LGALS3BP: variants seen among roughly 807,000 people sequenced by gnomAD.
The protein encoded by LGALS3BP is galectin 3 binding protein, also known as galectin-3-binding protein.
LGALS3BP carries 25 observed loss-of-function variants against 22.9 expected under a neutral mutation model. The observed-to-expected ratio is 1.09, with a 90% CI of 0.80 to 1.53. The LOEUF (loss-of-function observed/expected upper bound fraction) is 1.53. Ranked by LOEUF, LGALS3BP falls within the 40% of genes most tolerant of loss-of-function variation. The pLI, the probability that LGALS3BP is intolerant of heterozygous loss-of-function variation, is 0.00. For synonymous variants in LGALS3BP, 335 were observed against 331.1 expected, an observed-to-expected ratio of 1.01 and a Z score of -0.13; for missense variants, 718 against 752.0, an observed-to-expected ratio of 0.95 and a Z score of 0.53.
Position 78,973,266 on chromosome 17 carries a change from G to C in LGALS3BP, c.377-44C>G. 2 of 1,461,244 alleles carry C rather than the reference G, an allele frequency of 1.4e-6. No individual in the cohort carries two copies. The highest frequency in any genetic ancestry group is 2.7e-5 in the South Asian group (2 of 73,380). The allele number at this position is 1,461,244 out of a possible 1,614,324, so 90.5% of individuals were successfully genotyped here. On this transcript the variant is annotated intron_variant, in intron 4 of 5. Transcript: ENST00000262776. This position sits in a 1 kb window ranked among gnomAD's most constrained non-coding sequence, Gnocchi z 5.8. ...GAAGTGGGCTGCGTTAGGAGCCGGG[G>C]CACTGCCACTCTCTGGGGTCAGTGT... is the stretch of plus-strand genomic sequence containing the variant.
At position 78,972,810 on chromosome 17, in the gene LGALS3BP, G is replaced by C; in HGVS notation, c.630-106C>G. 6.9e-7 allele frequency: 1 copy of C among 1,441,850 alleles called. No homozygotes were observed. Among genetic ancestry groups the C allele is most frequent in the Non-Finnish European group, 9.3e-7 (1 of 1,074,636 alleles). The allele number at this position is 1,441,850 out of a possible 1,614,324, so 89.3% of individuals were successfully genotyped here. A position where few individuals can be genotyped will look rare whatever the true frequency, so the allele number is the denominator to read the frequency against. ...CTGAGTGCACACAGTGTGGGAGTGAGCATGCGTGTGTGTGCAACTGCGTGA... is the reference window on the plus strand; with the variant it reads ...CTGAGTGCACACAGTGTGGGAGTGACCATGCGTGTGTGTGCAACTGCGTGA... On this transcript the variant is annotated intron_variant, in intron 5 of 5. Transcript: ENST00000262776. The surrounding 1 kb of genome is among the most constrained non-coding windows in gnomAD (Gnocchi z 5.1).
At position 78,971,793 on chromosome 17, in the gene LGALS3BP, C is replaced by A. The variant is rs750053095; in HGVS notation, c.1541G>T (p.Arg514Leu). Residue 514 changes from arginine to leucine, a missense_variant, in exon 6 of 6, where the codon CGC (arginine) becomes CTC (leucine). Arg to Leu is a moderately radical substitution (Grantham distance 102). Coordinates refer to ENST00000262776, the MANE Select transcript of LGALS3BP (RefSeq NM_005567.4). This position sits in a 1 kb window ranked among gnomAD's most constrained non-coding sequence, Gnocchi z 5.6. ...LGLTKSGGSDRTIAYENKALM... is the reference protein window; with the variant it reads ...LGLTKSGGSDLTIAYENKALM... ...GGCTTTGTTTTCGTAGGCAATGGTG[C>A]GATCTGAGCCGCCAGACTTGGTGAG... The A allele has an allele frequency of 1.2e-6, 2 of 1,614,044 alleles. No individual in the cohort carries two copies. The highest frequency in any genetic ancestry group is 2.2e-5 in the East Asian group (1 of 44,878).
Position 78,973,417 on chromosome 17 carries a change from T to C in LGALS3BP, c.377-195A>G. 1.5e-6 allele frequency: 1 copy of C among 654,626 alleles called. No individual in the cohort carries two copies. The highest frequency in any genetic ancestry group is 2.8e-5 in the East Asian group (1 of 35,694). 40.6% of individuals were successfully genotyped at this position (654,626 alleles called of 1,614,324 possible). On this transcript the variant is annotated intron_variant, in intron 4 of 5. Coordinates refer to ENST00000262776, the MANE Select transcript of LGALS3BP (RefSeq NM_005567.4). The surrounding 1 kb of genome is among the most constrained non-coding windows in gnomAD (Gnocchi z 5.8). The stretch of plus-strand genomic sequence containing the variant: ...CCTGAGGCCCCGCCCCTTCCAGCCC[T>C]GGGGAACAAGAGCAGCTAGGACCTG...
At position 78,978,815 on chromosome 17, in the gene LGALS3BP, G is replaced by C. The variant is rs149644725; in HGVS notation, c.-24+1009C>G. On this transcript the variant is annotated intron_variant, in intron 1 of 5. Transcript: ENST00000262776. ...GCGATGGCTCACGCCTGTAATCCCA[G>C]AACTTTGGGAGGCTGGGGCAGGTGG... Among the ~76,000 whole-genome samples the C allele has an allele frequency of 1.4e-3, 217 of 152,312 alleles. 2 individuals are homozygous for C. The East Asian group carries it at 0.032, about 23-fold the overall frequency.
Position 78,972,720 on chromosome 17 carries a change from GAGAGC to G in LGALS3BP, c.630-21_630-17del. ...GTAGAAGTACCTGGGGAGAAAGAAG[GAGAGC>G]AGATGCCGGCCCCACAGGACAGCAG... is the stretch of plus-strand genomic sequence containing the variant. On this transcript the variant is annotated splice_polypyrimidine_tract_variant and intron_variant, in intron 5 of 5. Coordinates refer to ENST00000262776, the MANE Select transcript of LGALS3BP (RefSeq NM_005567.4). This position sits in a 1 kb window ranked among gnomAD's most constrained non-coding sequence, Gnocchi z 5.1. 1.3e-6 allele frequency: 2 copies of G among 1,515,212 alleles called. No individual in the cohort carries two copies. Among genetic ancestry groups the G allele is most frequent in the South Asian group, 2.7e-5 (2 of 75,104 alleles). 93.9% of individuals were successfully genotyped at this position (1,515,212 alleles called of 1,614,324 possible).
Position 78,973,008 on chromosome 17 carries a change from C to T in LGALS3BP, c.591G>A (p.Val197=). ...TGACCATGGGCACACACTCAGCATC[C>T]ACACTCATGGTGACATTGCTGCCCG... is the stretch of plus-strand genomic sequence containing the variant. ...KEPGSNVTMS[V]DAECVPMVRD... The change falls in exon 5 of 6, where the codon GTG becomes GTA. Residue 197 remains valine (V), a synonymous_variant. Transcript: ENST00000262776. The surrounding 1 kb of genome is among the most constrained non-coding windows in gnomAD (Gnocchi z 5.8). 6.2e-7 allele frequency: 1 copy of T among 1,613,398 alleles called. No individual in the cohort carries two copies. The highest frequency in any genetic ancestry group is 8.5e-7 in the Non-Finnish European group (1 of 1,179,586).
rs959789863 is a variant in LGALS3BP at position 78,971,438 on chromosome 17, G to A, written c.*138C>T. ...AGCCTTCCAGTAATTTCTTGAAGCT[G>A]AGCGCTCAGGTGAGTAGGGCGACAT... On this transcript the variant is annotated 3_prime_UTR_variant, in exon 6 of 6. Transcript: ENST00000262776. This position sits in a 1 kb window ranked among gnomAD's most constrained non-coding sequence, Gnocchi z 5.6. 4.3e-5 allele frequency: 32 copies of A among 749,534 alleles called. No individual in the cohort carries two copies. The highest frequency in any genetic ancestry group is 4.2e-4 in the African/African-American group (24 of 56,496). The allele number at this position is 749,534 out of a possible 1,614,324, so 46.4% of individuals were successfully genotyped here.
rs750053095 is a variant in LGALS3BP at position 78,971,793 on chromosome 17, C to G, written c.1541G>C (p.Arg514Pro). The G allele has an allele frequency of 6.2e-7, 1 of 1,613,926 alleles. No individual in the cohort carries two copies. The highest frequency in any genetic ancestry group is 8.5e-7 in the Non-Finnish European group (1 of 1,180,034). Residue 514 changes from arginine (R) to proline (P), a missense_variant, in exon 6 of 6, where the codon CGC becomes CCC. Physicochemically the swap from Arg to Pro is moderately radical, Grantham distance 103 (BLOSUM62 -2). Coordinates refer to ENST00000262776, the MANE Select transcript of LGALS3BP (RefSeq NM_005567.4). This position sits in a 1 kb window ranked among gnomAD's most constrained non-coding sequence, Gnocchi z 5.6. ...LGLTKSGGSD[R>P]TIAYENKALM... Reference sequence around the variant, plus strand: ...GGCTTTGTTTTCGTAGGCAATGGTGCGATCTGAGCCGCCAGACTTGGTGAG... The same window carrying G: ...GGCTTTGTTTTCGTAGGCAATGGTGGGATCTGAGCCGCCAGACTTGGTGAG...
chr17:78,978,806 G>A (rs2070741484), intron 1 of LGALS3BP, among the ~76,000 whole-genome samples: 1 of 152,240 alleles, frequency 6.6e-6, no homozygotes, highest in African/African-American at 2.4e-5. Context: ...GCTCACGCCT[G>A]TAATCCCAGA....
rs773114062 is a variant in LGALS3BP, at chr17:78,971,682, T to C, written c.1652A>G (p.Asn551Ser). Reference protein sequence around the residue: ...KAAIPSALDTNSSKSTSSFPC... With the variant: ...KAAIPSALDTSSSKSTSSFPC... ...GAAGGAGGAGGTGCTCTTCGAGCTG[T>C]TGGTGTCCAGGGCACTGGGAATCGC... is the stretch of plus-strand genomic sequence containing the variant. Residue 551 changes from asparagine to serine, a missense_variant, in exon 6 of 6, where the codon AAC (asparagine) becomes AGC (serine). Transcript: ENST00000262776. The surrounding 1 kb of genome is among the most constrained non-coding windows in gnomAD (Gnocchi z 5.6). 6.2e-7 allele frequency: 1 copy of C among 1,613,746 alleles called. No individual in the cohort carries two copies. Among genetic ancestry groups the C allele is most frequent in the East Asian group, 2.2e-5 (1 of 44,884 alleles).
Position 78,971,651 on chromosome 17 carries a change from G to T in LGALS3BP, c.1683C>A (p.Cys561Ter). 1.9e-6 allele frequency: 3 copies of T among 1,613,806 alleles called. No individual in the cohort carries two copies. In the East Asian group the frequency reaches 6.7e-5, roughly 36 times the overall value. The change falls in exon 6 of 6, where the codon TGC becomes TGA. Residue 561 changes from cysteine (C) to a stop codon, truncating the protein, a stop_gained. Transcript: ENST00000262776. LOFTEE classifies it high-confidence loss of function. The surrounding 1 kb of genome is among the most constrained non-coding windows in gnomAD (Gnocchi z 5.6). ...NSSKSTSSFP[C>*]PAGHFNGFRT... is the part of the protein sequence containing the mutation. ...GGAAGCCGTTGAAGTGCCCTGCCGG[G>T]CAGGGGAAGGAGGAGGTGCTCTTCG...
At position 78,971,511 on chromosome 17, in the gene LGALS3BP, GAGGGGAGCCTGC is replaced by G. The variant is rs2070669385; in HGVS notation, c.*53_*64del. On this transcript the variant is annotated 3_prime_UTR_variant, in exon 6 of 6. Coordinates refer to ENST00000262776, the MANE Select transcript of LGALS3BP (RefSeq NM_005567.4). The surrounding 1 kb of genome is among the most constrained non-coding windows in gnomAD (Gnocchi z 5.6). ...CATTGCAGAGAGGAAGGAAGCCGAG[GAGGGGAGCCTGC>G]AGTGAGGGCGTCCTGGGGTTCTCCG... 1 of 1,465,304 alleles carries G rather than the reference GAGGGGAGCCTGC, an allele frequency of 6.8e-7. No individual in the cohort carries two copies. Among genetic ancestry groups the G allele is most frequent in the South Asian group, 1.3e-5 (1 of 79,542 alleles). The allele number at this position is 1,465,304 out of a possible 1,614,324, so 90.8% of individuals were successfully genotyped here.
chr17:78,972,074 G>T lies in LGALS3BP; in HGVS notation c.1260C>A (p.Asp420Glu). Residue 420 changes from aspartate (D) to glutamate (E), a missense_variant, in exon 6 of 6, where the codon GAC becomes GAA. By Grantham distance (45) the Asp-to-Glu change is conservative. Coordinates refer to ENST00000262776, the MANE Select transcript of LGALS3BP (RefSeq NM_005567.4). This position sits in a 1 kb window ranked among gnomAD's most constrained non-coding sequence, Gnocchi z 5.1. ...TSPTWSAFVT[D>E]SSWSARKSQL... ...GTGACTTCCGTGCACTCCAGGAACTGTCTGTCACAAAGGCACTCCAGGTGG... is the reference window on the plus strand; with the variant it reads ...GTGACTTCCGTGCACTCCAGGAACTTTCTGTCACAAAGGCACTCCAGGTGG... 1.2e-6 allele frequency: 2 copies of T among 1,613,876 alleles called. No individual in the cohort carries two copies. Among genetic ancestry groups the T allele is most frequent in the Non-Finnish European group, 1.7e-6 (2 of 1,179,842 alleles).
At chr17:78,977,020 T>A (rs2070726351) in intron 2 of LGALS3BP, 120 bp downstream of exon 2, 1 of 1,003,098 alleles carries the variant, frequency 1.0e-6, no homozygotes, top group South Asian at 1.3e-5. Context: ...GGAGAGAAGA[T>A]CTGGCTAACC....
chr17:78,975,649 G>A (rs994778427), intron 3 of LGALS3BP, among the ~76,000 whole-genome samples: 4 of 151,822 alleles, frequency 2.6e-5, no homozygotes, highest in African/African-American at 4.8e-5. Flanking sequence ...AAAATCAGCC[G>A]GGCATGGTGG....
At position 78,974,654 on chromosome 17, in the gene LGALS3BP, T is replaced by C. The variant is rs377230815; in HGVS notation, c.376+34A>G. ...GGGGCCACGGGACCCCAGGGCACAC[T>C]GGGGCCTCCGCAGGGAGGTGCGCCC... On this transcript the variant is annotated intron_variant, in intron 4 of 5. Transcript: ENST00000262776. The C allele has an allele frequency of 3.8e-4, 617 of 1,602,832 alleles. No homozygotes were observed. Among genetic ancestry groups the C allele is most frequent in the Non-Finnish European group, 5.1e-4 (596 of 1,173,556 alleles).
In LGALS3BP at chr17:78,976,160, C is replaced by T. The variant is rs755492046; in HGVS notation, c.53-4G>A. The T allele has an allele frequency of 1.3e-6, 2 of 1,566,534 alleles. No homozygotes were observed. The highest frequency in any genetic ancestry group is 1.7e-6 in the Non-Finnish European group (2 of 1,156,180). ...CGCATGTCACCATCGTTCACGCCTG[C>T]AGGCAGAGACCAGCGAGGGCGAGGC... On this transcript the variant is annotated splice_region_variant and splice_polypyrimidine_tract_variant and intron_variant, in intron 2 of 5. Transcript: ENST00000262776. This position sits in a 1 kb window ranked among gnomAD's most constrained non-coding sequence, Gnocchi z 4.6.
At chr17:78,974,184 C>G (rs1393600116) in intron 4 of LGALS3BP, among the ~76,000 whole-genome samples, 1 of 152,246 alleles carries the variant, frequency 6.6e-6, no homozygotes, top group Non-Finnish European at 1.5e-5. Context: ...CCAGGAAGAG[C>G]CACCTCGGCA....
chr17:78,978,327 G>T (rs1041717662), intron 1 of LGALS3BP, among the ~76,000 whole-genome samples: 11 of 152,254 alleles, frequency 7.2e-5, no homozygotes, highest in African/African-American at 2.7e-4. Context: ...GAGCAGCTTT[G>T]CTCTGGGACT....
Sources: gnomAD v4.1 joint callset for allele counts (sites outside exome capture counted in the v4.1 genomes callset) on GRCh38, gnomAD v4.1.1 for gene constraint, Gnocchi (gnomAD v3.1) non-coding constraint, MANE v1.5 for transcripts, NCBI Gene and HGNC (gene_info 2026-07-23, HGNC 2026-07-21) for gene names.